ZMPSTE24: variants seen among roughly 807,000 people sequenced by gnomAD.
The protein encoded by ZMPSTE24 is CAAX prenyl protease 1 homolog.
A neutral mutation model predicts 56.7 loss-of-function variants in ZMPSTE24; 48 were observed. The observed-to-expected ratio is 0.85, with a 90% CI of 0.67 to 1.08. The LOEUF is 1.08. Ranked by LOEUF, ZMPSTE24 falls within the 50% of genes least tolerant of loss-of-function variation. The pLI is 0.00. For missense variants in ZMPSTE24, 503 were observed against 548.7 expected (o/e 0.92, Z 0.83); for synonymous variants, 172 against 195.2 (o/e 0.88, Z 0.99).
chr1:40,270,206 AG>A (rs1643600101), intron 5 of ZMPSTE24, 79 bp downstream of exon 5: 13 of 1,502,372 alleles, frequency 8.7e-6, no homozygotes, highest in Non-Finnish European at 1.1e-5. Flanking sequence ...GCATGTAAAC[AG>A]TTCTTAAGAA....
chr1:40,267,303 G>A (rs1643559234), intron 2 of ZMPSTE24, among the ~76,000 whole-genome samples: 1 of 150,554 alleles, frequency 6.6e-6, no homozygotes, highest in South Asian at 2.1e-4. Flanking sequence ...TGTGAAATAG[G>A]TCTATTTTTT....
chr1:40,258,955 C>G (rs929978378), intron 1 of ZMPSTE24, among the ~76,000 whole-genome samples: 1 of 152,006 alleles, frequency 6.6e-6, no homozygotes, highest in Admixed American at 6.6e-5. Flanking sequence ...GTCAGGAGTT[C>G]GAGACCAGCC....
intron 2 of ZMPSTE24, among the ~76,000 whole-genome samples, chr1:40,266,905 A>G (rs1476669603): frequency 6.6e-6 from 1 of 150,464 alleles, no homozygotes; most frequent in South Asian, 2.1e-4. Flanking sequence ...AGTAGCTGGG[A>G]CCACAGAATC....
At chr1:40,275,772 A>C (rs997102269) in intron 6 of ZMPSTE24, among the ~76,000 whole-genome samples, 10 of 151,714 alleles carry the variant, frequency 6.6e-5, no homozygotes, top group Non-Finnish European at 1.2e-4. Flanking sequence ...AAAAAAAAAA[A>C]AACAACGTTT....
Position 40,258,335 on chromosome 1 carries a change from G to T in ZMPSTE24, c.64G>T (p.Ala22Ser). 1.9e-6 allele frequency: 3 copies of T among 1,614,168 alleles called. No homozygotes were observed. The highest frequency in any genetic ancestry group is 2.5e-6 in the Non-Finnish European group (3 of 1,180,034). The part of the protein sequence containing the change: ...EMPAEKRIFG[A>S]VLLFSWTVYL... ...GCCGGCCGAGAAGCGTATCTTCGGGGCCGTGCTGCTCTTTTCCTGGACAGT... is the reference window on the plus strand; with the variant it reads ...GCCGGCCGAGAAGCGTATCTTCGGGTCCGTGCTGCTCTTTTCCTGGACAGT... Residue 22 changes from alanine to serine, a missense_variant, in exon 1 of 10, where the codon GCC becomes TCC. Coordinates refer to ENST00000372759, the MANE Select transcript of ZMPSTE24 (RefSeq NM_005857.5).
chr1:40,267,469 A>G (rs754398475), intron 2 of ZMPSTE24, among the ~76,000 whole-genome samples: 8 of 151,292 alleles, frequency 5.3e-5, no homozygotes, highest in Admixed American at 1.3e-4. Context: ...GGCTCAGGCA[A>G]TCCTGTCACC....
At chr1:40,283,766 C>G (rs1643754665) in intron 7 of ZMPSTE24, among the ~76,000 whole-genome samples, 1 of 151,910 alleles carries the variant, frequency 6.6e-6, no homozygotes, top group Non-Finnish European at 1.5e-5. Flanking sequence ...TGATTTTTCT[C>G]CTCTCCATTT....
rs281875378 is a variant in ZMPSTE24 at position 40,292,626 on chromosome 1, T to G, written c.1385T>G (p.Leu462Arg). ...FSMWHYSHPPLLERLQALKTM... is the reference protein window; with the variant it reads ...FSMWHYSHPPRLERLQALKTM... ...ATGTGGCATTATTCTCATCCTCCAC[T>G]GCTAGAGAGACTTCAAGCTTTGAAA... Residue 462 changes from leucine (L) to arginine (R), a missense_variant, in exon 10 of 10, where the codon CTG becomes CGG. Coordinates refer to ENST00000372759, the MANE Select transcript of ZMPSTE24 (RefSeq NM_005857.5). The G allele has an allele frequency of 1.9e-6, 3 of 1,614,024 alleles. No homozygotes were observed. In the African/African-American group the frequency reaches 4.0e-5, roughly 22 times the overall value.
intron 6 of ZMPSTE24, among the ~76,000 whole-genome samples, chr1:40,273,246 T>C (rs1643629662): frequency 6.6e-6 from 1 of 151,992 alleles, no homozygotes; most frequent in African/African-American, 2.4e-5. Flanking sequence ...GGCTGGGCGC[T>C]GTGGCTCACG....
chr1:40,280,732 G>GT (rs1643721049), intron 6 of ZMPSTE24, among the ~76,000 whole-genome samples: 1 of 152,080 alleles, frequency 6.6e-6, no homozygotes, highest in Admixed American at 6.5e-5. Context: ...AGTTGAATTT[G>GT]CTTTTTGTCT....
chr1:40,263,041 T>G, intron 2 of ZMPSTE24: 1 of 946,464 alleles, frequency 1.1e-6, no homozygotes, highest in Non-Finnish European at 1.3e-6. Context: ...CTTTACCCAC[T>G]ACAGGGCCAT....
rs115667261 is a variant in ZMPSTE24, at chr1:40,260,645, T to C, written c.124-194T>C. Among the ~76,000 whole-genome samples the C allele has an allele frequency of 5.5e-3, 839 of 152,352 alleles. 3 individuals carry two copies. The highest frequency in any genetic ancestry group is 9.0e-3 in the Non-Finnish European group (609 of 68,022). Reference sequence around the variant, plus strand: ...TTATAGTTTTACCAGTCAGGTCACCTCAGGTTCTCTTGTTCTGCTTTTATT... The same window carrying C: ...TTATAGTTTTACCAGTCAGGTCACCCCAGGTTCTCTTGTTCTGCTTTTATT... On this transcript the variant is annotated intron_variant, in intron 1 of 9. Coordinates refer to ENST00000372759, the MANE Select transcript of ZMPSTE24 (RefSeq NM_005857.5).
At chr1:40,290,084 G>A (rs1010408144) in intron 8 of ZMPSTE24, among the ~76,000 whole-genome samples, 3 of 152,048 alleles carry the variant, frequency 2.0e-5, no homozygotes, top group Non-Finnish European at 4.4e-5. Context: ...TGAAATAAAA[G>A]TGAAACTAAA....
intron 8 of ZMPSTE24, among the ~76,000 whole-genome samples, chr1:40,288,173 T>TA (rs1404811265): frequency 4.0e-5 from 6 of 151,836 alleles, no homozygotes; most frequent in Non-Finnish European, 8.8e-5. Context: ...ACCCTGTCTC[T>TA]AAAAAAAATT....
chr1:40,269,644 T>G (rs1643593198), intron 4 of ZMPSTE24, among the ~76,000 whole-genome samples: 1 of 152,076 alleles, frequency 6.6e-6, no homozygotes. Context: ...ATTATTATTT[T>G]TAGTAGTGAC....
At chr1:40,281,556 C>T in intron 7 of ZMPSTE24, 29 bp downstream of exon 7, 1 of 1,604,152 alleles carries the variant, frequency 6.2e-7, no homozygotes, top group South Asian at 1.1e-5. Context: ...AGAGATTCTA[C>T]CTTAGTTTTT....
At chr1:40,258,912 C>G (rs545522916) in intron 1 of ZMPSTE24, among the ~76,000 whole-genome samples, 5 of 152,068 alleles carry the variant, frequency 3.3e-5, no homozygotes, top group Non-Finnish European at 5.9e-5. Flanking sequence ...AATCCCAGCA[C>G]TTTGGGAGGC....
intron 6 of ZMPSTE24, among the ~76,000 whole-genome samples, chr1:40,280,123 G>A (rs1643712702): frequency 6.6e-6 from 1 of 152,020 alleles, no homozygotes; most frequent in Admixed American, 6.5e-5. Flanking sequence ...TTTCCAGTTT[G>A]CTTCAAATGC....
At position 40,280,344 on chromosome 1, in the gene ZMPSTE24, C is replaced by T. The variant is rs141824355; in HGVS notation, c.770-999C>T. On this transcript the variant is annotated intron_variant, in intron 6 of 9. Transcript: ENST00000372759. ...TCGTTAGCAGTTCCTGGGCCAAATGCGTTGTTGATGTTGCGAGTTGTCTCT... is the reference window on the plus strand; with the variant it reads ...TCGTTAGCAGTTCCTGGGCCAAATGTGTTGTTGATGTTGCGAGTTGTCTCT... Among the ~76,000 whole-genome samples the T allele has an allele frequency of 7.7e-3, 1,170 of 152,164 alleles. 13 individuals carry two copies. Among genetic ancestry groups the T allele is most frequent in the African/African-American group, 0.027 (1,123 of 41,516 alleles).
Sources: allele counts gnomAD v4.1 joint callset (sites outside exome capture counted in the v4.1 genomes callset), GRCh38; gene constraint gnomAD v4.1.1; transcripts MANE v1.5; gene names NCBI Gene and HGNC (gene_info 2026-07-23, HGNC 2026-07-21).